The following SPATA21 variants were observed in gnomAD, a reference collection of about 807,000 sequenced individuals.
SPATA21 encodes the protein spermatogenesis-associated protein 21.
SPATA21 carries 47 observed loss-of-function variants against 54.8 expected under a neutral mutation model. That is an observed-to-expected ratio of 0.86 (90% CI 0.68 to 1.09). The LOEUF (loss-of-function observed/expected upper bound fraction) is 1.09. SPATA21 is among the 50% of genes least tolerant of loss of function. SPATA21 has a pLI of 0.00. For missense variants in SPATA21, 599 were observed against 596.4 expected (o/e 1.00, Z -0.05); for synonymous variants, 245 against 235.3 (o/e 1.04, Z -0.38).
chr1:16,418,205 G>C (rs1402475562), intron 5 of SPATA21, among the ~76,000 whole-genome samples: 1 of 152,210 alleles, frequency 6.6e-6, no homozygotes, highest in Non-Finnish European at 1.5e-5. Flanking sequence ...CTTTGCATGG[G>C]GTAGGGATGG....
rs528947922 is a variant in SPATA21, at chr1:16,414,893, CAAAAAAAAA to C, written c.145-4859_145-4851del. Among the ~76,000 whole-genome samples the C allele has an allele frequency of 1.2e-4, 9 of 74,344 alleles. No individual in the cohort carries two copies. In the East Asian group the frequency reaches 4.9e-3, roughly 41 times the overall value. The allele number at this position is 74,344 out of a possible 152,430, so 48.8% of individuals were successfully genotyped here. On this transcript the variant is annotated intron_variant, in intron 5 of 12. Transcript: ENST00000335496. ...GGGCAACAAGAGCGAAACCTCATCT[CAAAAAAAAA>C]AAAAAAAAAAGATTCTAGTTGAGTA...
chr1:16,396,717 G>A (rs1414027875), downstream of SPATA21: 1 of 152,414 alleles, frequency 6.6e-6, no homozygotes, highest in Non-Finnish European at 1.5e-5. Flanking sequence ...GGCAAGCTGA[G>A]TCTCACAGGC....
rs533408080 is a variant in SPATA21 at position 16,419,095 on chromosome 1, A to G, written c.144+2414T>C. Among the ~76,000 whole-genome samples the G allele has an allele frequency of 2.0e-4, 31 of 152,326 alleles. No individual in the cohort carries two copies. In the Middle Eastern group the frequency reaches 0.01, roughly 50 times the overall value. On this transcript the variant is annotated intron_variant, in intron 5 of 12. Coordinates refer to ENST00000335496, the MANE Select transcript of SPATA21 (RefSeq NM_198546.1). ...TACTACAAAGACAATAAAACAGGAC[A>G]ATGTGATAGGCTGAGTGTGGCTGAC...
chr1:16,426,254 C>CTTATTTATTTATTTAT lies in SPATA21; in HGVS notation c.35-4299_35-4284dup, dbSNP rs750947536. Among the ~76,000 whole-genome samples the CTTATTTATTTATTTAT allele has an allele frequency of 4.1e-3, 617 of 151,616 alleles. 3 individuals carry two copies. Among genetic ancestry groups the CTTATTTATTTATTTAT allele is most frequent in the African/African-American group, 0.014 (584 of 41,296 alleles). On this transcript the variant is annotated intron_variant, in intron 3 of 12. Coordinates refer to ENST00000335496, the MANE Select transcript of SPATA21 (RefSeq NM_198546.1). Reference sequence around the variant, plus strand: ...AAGCTTCTTCCTATGCGTATGCATACTTATTTATTTATTTATTTATTTGAG... The same window carrying CTTATTTATTTATTTAT: ...AAGCTTCTTCCTATGCGTATGCATACTTATTTATTTATTTATTTATTTATTTATTTATTTATTTGAG...
At chr1:16,424,221 G>A (rs2086253794) in intron 3 of SPATA21, among the ~76,000 whole-genome samples, 1 of 110,564 alleles carries the variant, frequency 9.0e-6, no homozygotes. Flanking sequence ...GCTGAGGCAG[G>A]AGAATGGCAT....
chr1:16,409,342 A>C lies in SPATA21; in HGVS notation c.588-139T>G, dbSNP rs1433970348. On this transcript the variant is annotated intron_variant, in intron 6 of 12. Coordinates refer to ENST00000335496, the MANE Select transcript of SPATA21 (RefSeq NM_198546.1). The surrounding 1 kb of genome is among the most constrained non-coding windows in gnomAD (Gnocchi z 4.1). ...GCCCGGAGAGATCAAGAATGGCAGG[A>C]AAAAGGAGATCCAGAGGAGAAGTGG... 3 of 941,672 alleles carry C rather than the reference A, an allele frequency of 3.2e-6. No individual in the cohort carries two copies. Among genetic ancestry groups the C allele is most frequent in the Non-Finnish European group, 4.8e-6 (3 of 627,100 alleles). 58.3% of individuals were successfully genotyped at this position (941,672 alleles called of 1,614,324 possible). A position where few individuals can be genotyped will look rare whatever the true frequency, so the allele number is the denominator to read the frequency against.
intron 1 of SPATA21, among the ~76,000 whole-genome samples, chr1:16,434,331 G>A (rs1292442523): frequency 1.3e-5 from 2 of 151,126 alleles, no homozygotes; most frequent in Non-Finnish European, 2.9e-5. Context: ...TGTCACTCAG[G>A]CTGGAGTGCA....
chr1:16,405,513 AAAC>A (rs1407784185), intron 7 of SPATA21, among the ~76,000 whole-genome samples: 33 of 150,700 alleles, frequency 2.2e-4, no homozygotes, highest in African/African-American at 7.8e-4. Flanking sequence ...AAAAAAAAAA[AAAC>A]TGGGCATGGT....
chr1:16,425,515 CTAGGT>C, intron 3 of SPATA21: 2 of 1,548,436 alleles, frequency 1.3e-6, no homozygotes, highest in Non-Finnish European at 1.7e-6. Flanking sequence ...CCCAGATCTC[CTAGGT>C]TACCTGGCAG....
downstream of SPATA21, chr1:16,397,967 T>C (rs534503854): frequency 3.0e-6 from 2 of 674,320 alleles, no homozygotes; most frequent in East Asian, 2.7e-4. This position sits in a 1 kb window ranked among gnomAD's most constrained non-coding sequence, Gnocchi z 5.4. Context: ...GGGGTGCACA[T>C]GGGCCCCTTG....
intron 2 of SPATA21, 109 bp from the exon 3 acceptor site, chr1:16,431,531 G>T: frequency 9.4e-7 from 1 of 1,065,230 alleles, no homozygotes; most frequent in Non-Finnish European, 1.3e-6. Flanking sequence ...GGGAAGAGGC[G>T]GGGCCAGGCC....
In SPATA21 at chr1:16,421,895, C is replaced by G; in HGVS notation, c.95+16G>C. 6.2e-7 allele frequency: 1 copy of G among 1,614,204 alleles called. No individual in the cohort carries two copies. Among genetic ancestry groups the G allele is most frequent in the South Asian group, 1.1e-5 (1 of 91,084 alleles). Reference sequence around the variant, plus strand: ...TCCTTGTTGGGGGCAGGGGATGGCACTGGATGATGACTTACCCTCCTTTTG... The same window carrying G: ...TCCTTGTTGGGGGCAGGGGATGGCAGTGGATGATGACTTACCCTCCTTTTG... On this transcript the variant is annotated intron_variant, in intron 4 of 12. Transcript: ENST00000335496. This position sits in a 1 kb window ranked among gnomAD's most constrained non-coding sequence, Gnocchi z 5.2.
chr1:16,431,316 G>T (rs371467493), intron 3 of SPATA21, 22 bp downstream of exon 3: 2 of 1,614,140 alleles, frequency 1.2e-6, no homozygotes, highest in Non-Finnish European at 1.7e-6. Context: ...ACTTGGCTGC[G>T]TCCCTGGAGC....
Position 16,398,801 on chromosome 1 carries a change from T to G in SPATA21, c.1374A>C (p.Arg458Ser). 1.2e-6 allele frequency: 2 copies of G among 1,613,596 alleles called. No homozygotes were observed. The highest frequency in any genetic ancestry group is 1.7e-6 in the Non-Finnish European group (2 of 1,179,720). ...QGNREHNSDSRKWLSSVPART... is the reference protein window; with the variant it reads ...QGNREHNSDSSKWLSSVPART... ...GAGCTGGCACAGAGCTGAGCCACTT[T>G]CTGCTGTCAGAGTTGTGTTCCCTGG... Residue 458 changes from arginine (R) to serine (S), a missense_variant, in exon 13 of 13, where the codon AGA (arginine) becomes AGC (serine). By Grantham distance (110) the Arg-to-Ser change is moderately radical (BLOSUM62 -1). Coordinates refer to ENST00000335496, the MANE Select transcript of SPATA21 (RefSeq NM_198546.1).
Position 16,431,337 on chromosome 1 carries a change from C to A in SPATA21, c.34+1G>T, listed in dbSNP as rs923435159. ...CTGCGTCCCTGGAGCCTTGGTTCTA[C>A]CCTCCGTGTACATCTGGGTGTTTCT... On this transcript the variant is annotated splice_donor_variant, in intron 3 of 12. Transcript: ENST00000335496. LOFTEE classifies it high-confidence loss of function. 3 of 1,613,998 alleles carry A rather than the reference C, an allele frequency of 1.9e-6. No homozygotes were observed. Among genetic ancestry groups the A allele is most frequent in the Non-Finnish European group, 2.5e-6 (3 of 1,180,018 alleles).
rs980483669 is a variant in SPATA21 at position 16,421,093 on chromosome 1, A to G, written c.144+416T>C. On this transcript the variant is annotated intron_variant, in intron 5 of 12. Transcript: ENST00000335496. The surrounding 1 kb of genome is among the most constrained non-coding windows in gnomAD (Gnocchi z 5.2). ...GCAGGTTGCCTGGTCAGGTCAAAGA[A>G]CTAGGAAGTGGCAGAGCTTGGGGAG... 6.6e-6 allele frequency among the ~76,000 whole-genome samples: 1 copy of G among 152,056 alleles called. No individual in the cohort carries two copies. The highest frequency in any genetic ancestry group is 1.5e-5 in the Non-Finnish European group (1 of 68,008).
rs185059836 is a variant in SPATA21, at chr1:16,400,519, G to T, written c.1174+201C>A. 3.0e-6 allele frequency: 4 copies of T among 1,345,876 alleles called. No homozygotes were observed. In the African/African-American group the frequency reaches 4.4e-5, roughly 15 times the overall value. 83.4% of individuals were successfully genotyped at this position (1,345,876 alleles called of 1,614,324 possible). ...TAAGGCAGGAGGGGAGGAGTCCAAC[G>T]CAGGAGGCCATTGTCATAGGCCTGG... is the stretch of plus-strand genomic sequence containing the variant. On this transcript the variant is annotated intron_variant, in intron 11 of 12. Coordinates refer to ENST00000335496, the MANE Select transcript of SPATA21 (RefSeq NM_198546.1).
chr1:16,400,204 A>T (rs1371765334), intron 11 of SPATA21, among the ~76,000 whole-genome samples: 1 of 151,896 alleles, frequency 6.6e-6, no homozygotes, highest in East Asian at 1.9e-4. Context: ...TTTTTTAGAG[A>T]TGGGGTTTCA....
downstream of SPATA21, chr1:16,396,629 C>G (rs564902073): frequency 6.5e-6 from 1 of 152,934 alleles, no homozygotes; most frequent in East Asian, 1.9e-4. Flanking sequence ...AGACAGCCTC[C>G]CTGCTCCTGA....
Sources: allele counts gnomAD v4.1 joint callset (sites outside exome capture counted in the v4.1 genomes callset), GRCh38; gene constraint gnomAD v4.1.1; non-coding constraint Gnocchi (gnomAD v3.1); transcripts MANE v1.5; gene names NCBI Gene and HGNC (gene_info 2026-07-23, HGNC 2026-07-21).